The following ALCAM variants were observed in gnomAD, a reference collection of about 807,000 sequenced individuals.
ALCAM encodes activated leukocyte cell adhesion molecule, also known as CD166 antigen.
Under a neutral mutation model 70.9 loss-of-function variants are expected in ALCAM, and 30 were observed. The ratio of observed to expected loss-of-function variants is 0.42; its 90% confidence interval spans 0.32 to 0.57. ALCAM has a LOEUF of 0.57. Ranked by LOEUF, ALCAM falls within the 20% of genes least tolerant of loss-of-function variation. The pLI is 0.11. For synonymous variants in ALCAM, 249 were observed against 242.5 expected, an observed-to-expected ratio of 1.03 and a Z score of -0.25; for missense variants, 591 against 695.1, an observed-to-expected ratio of 0.85 and a Z score of 1.68.
intron 9 of ALCAM, 147 bp from the exon 10 acceptor site, chr3:105,547,002 C>A (rs1184318053): frequency 8.8e-6 from 5 of 566,104 alleles, no homozygotes; most frequent in African/African-American, 2.0e-5. Context: ...AAAAGGAAAT[C>A]TATTTTGAAA....
intron 1 of ALCAM, among the ~76,000 whole-genome samples, chr3:105,479,459 C>A (rs1297714334): frequency 2.0e-5 from 3 of 152,068 alleles, no homozygotes; most frequent in Non-Finnish European, 4.4e-5. Context: ...ACATAAAATA[C>A]AATATTTAAA....
intron 1 of ALCAM, among the ~76,000 whole-genome samples, chr3:105,432,191 C>G (rs960727083): frequency 6.6e-6 from 1 of 152,130 alleles, no homozygotes; most frequent in South Asian, 2.1e-4. Flanking sequence ...GCAAAATATA[C>G]AACTTGCAAA....
intron 1 of ALCAM, chr3:105,439,207 A>G (rs1236890328): frequency 1.3e-5 from 2 of 152,202 alleles, no homozygotes; most frequent in African/African-American, 4.8e-5. Context: ...GAACTTTAGA[A>G]TCATTAATTG....
At chr3:105,420,999 G>A (rs892291695) in intron 1 of ALCAM, among the ~76,000 whole-genome samples, 1 of 151,376 alleles carries the variant, frequency 6.6e-6, no homozygotes. Context: ...TAACTCCGGG[G>A]CAACTTTTTT....
At chr3:105,547,966 T>C (rs905405998) in intron 11 of ALCAM, among the ~76,000 whole-genome samples, 1 of 151,442 alleles carries the variant, frequency 6.6e-6, no homozygotes, top group African/African-American at 2.4e-5. Flanking sequence ...TAAAACTATG[T>C]CCTCGTGTAG....
intron 1 of ALCAM, among the ~76,000 whole-genome samples, chr3:105,486,211 G>A (rs1938423898): frequency 6.6e-6 from 1 of 151,958 alleles, no homozygotes; most frequent in Admixed American, 6.6e-5. Flanking sequence ...AGTCCTACTG[G>A]GAGAGACACC....
intron 1 of ALCAM, among the ~76,000 whole-genome samples, chr3:105,454,132 T>A (rs1401840628): frequency 6.6e-6 from 1 of 152,128 alleles, no homozygotes; most frequent in Non-Finnish European, 1.5e-5. Flanking sequence ...AAAATAATAT[T>A]TATAATTTTT....
intron 1 of ALCAM, chr3:105,513,473 G>A (rs1203539875): frequency 6.6e-6 from 1 of 151,816 alleles, no homozygotes; most frequent in South Asian, 2.1e-4. Flanking sequence ...AATTTTGGGG[G>A]AACACTAATC....
intron 1 of ALCAM, among the ~76,000 whole-genome samples, chr3:105,466,316 A>C (rs1307925449): frequency 2.6e-5 from 4 of 151,404 alleles, no homozygotes; most frequent in African/African-American, 9.7e-5. Flanking sequence ...GTGTCACTAC[A>C]TGCTTAAGTG....
intron 1 of ALCAM, among the ~76,000 whole-genome samples, chr3:105,484,702 AATCATTAAC>A (rs1469590223): frequency 1.3e-5 from 2 of 152,102 alleles, no homozygotes; most frequent in African/African-American, 4.8e-5. Flanking sequence ...ACAGAAGAGG[AATCATTAAC>A]ATCCAAAGGC....
At chr3:105,518,676 A>C (rs997186709) in intron 1 of ALCAM, among the ~76,000 whole-genome samples, 1 of 152,026 alleles carries the variant, frequency 6.6e-6, no homozygotes, top group Non-Finnish European at 1.5e-5. Context: ...TATAGAGATA[A>C]ATTTTTATTA....
intron 1 of ALCAM, among the ~76,000 whole-genome samples, chr3:105,402,419 G>A (rs1936111556): frequency 6.6e-6 from 1 of 152,146 alleles, no homozygotes; most frequent in Non-Finnish European, 1.5e-5. Context: ...ACTGCTGCAG[G>A]CTCCATGAGA....
At chr3:105,556,824 G>T (rs1320714786) in intron 14 of ALCAM, among the ~76,000 whole-genome samples, 2 of 152,014 alleles carry the variant, frequency 1.3e-5, no homozygotes, top group Non-Finnish European at 2.9e-5. Flanking sequence ...AAATTGAAAA[G>T]ATAGTGCTGG....
At chr3:105,412,350 A>C (rs1936412168) in intron 1 of ALCAM, among the ~76,000 whole-genome samples, 1 of 152,100 alleles carries the variant, frequency 6.6e-6, no homozygotes, top group South Asian at 2.1e-4. Flanking sequence ...GTGAACTGAT[A>C]TGATAGATAA....
At chr3:105,467,963 G>A (rs993273611) in intron 1 of ALCAM, among the ~76,000 whole-genome samples, 7 of 151,112 alleles carry the variant, frequency 4.6e-5, no homozygotes. Context: ...TCAGATTTGA[G>A]GAATCCCTTC....
intron 1 of ALCAM, among the ~76,000 whole-genome samples, chr3:105,414,326 G>A (rs1936458205): frequency 6.6e-6 from 1 of 152,086 alleles, no homozygotes. Context: ...TGAGGTGGGA[G>A]GATTGTATGA....
rs149844261 is a variant in ALCAM, at chr3:105,564,667, C to G, written c.1665-7185C>G. ...GAATATTGAGTACCTTAAAGATGTG[C>G]CATTGCTTTCTGGCTTGTATTGTTT... On this transcript the variant is annotated intron_variant, in intron 14 of 15. Coordinates refer to ENST00000306107, the MANE Select transcript of ALCAM (RefSeq NM_001627.4). Among the ~76,000 whole-genome samples the G allele has an allele frequency of 2.7e-4, 41 of 152,250 alleles. No individual in the cohort carries two copies. The East Asian group carries it at 6.2e-3, about 23-fold the overall frequency.
In ALCAM at chr3:105,534,755, A is replaced by G; in HGVS notation, c.640A>G (p.Ile214Val). 6.2e-7 allele frequency: 1 copy of G among 1,613,860 alleles called. No individual in the cohort carries two copies. Among genetic ancestry groups the G allele is most frequent in the Non-Finnish European group, 8.5e-7 (1 of 1,179,812 alleles). ...GGAGTACAAGACAACCAAGGCTGAC[A>G]TACAAATGCCATTCACCTGCTCGGT... ...TLEYKTTKAD[I>V]QMPFTCSVTY... Residue 214 changes from isoleucine to valine, a missense_variant, in exon 6 of 16, where the codon ATA (isoleucine) becomes GTA (valine). Ile to Val is a conservative substitution (Grantham distance 29). Coordinates refer to ENST00000306107, the MANE Select transcript of ALCAM (RefSeq NM_001627.4).
intron 1 of ALCAM, among the ~76,000 whole-genome samples, chr3:105,469,082 T>C (rs760013806): frequency 2.0e-5 from 3 of 151,346 alleles, no homozygotes; most frequent in Non-Finnish European, 4.4e-5. Context: ...CTTCTTCATA[T>C]GTGTATCAAT....
Sources: allele counts gnomAD v4.1 joint callset (sites outside exome capture counted in the v4.1 genomes callset), GRCh38; gene constraint gnomAD v4.1.1; transcripts MANE v1.5; gene names NCBI Gene and HGNC (gene_info 2026-07-23, HGNC 2026-07-21).